CDH18: variants seen among roughly 807,000 people sequenced by gnomAD.
CDH18 encodes the protein cadherin 18.
In CDH18, 31 loss-of-function variants were observed where a neutral mutation model predicts 67.9. The ratio of observed to expected loss-of-function variants is 0.46; its 90% CI spans 0.34 to 0.62. The LOEUF (loss-of-function observed/expected upper bound fraction) is 0.62, where lower values mean the gene tolerates loss of function less well. Ranked by LOEUF, CDH18 falls within the 20% of genes least tolerant of loss-of-function variation. The pLI, the probability that CDH18 is intolerant of heterozygous loss-of-function variation, is 0.01. For missense variants in CDH18, 890 were observed against 975.5 expected, an observed-to-expected ratio of 0.91 and a Z score of 1.17; for synonymous variants, 362 against 347.2, an observed-to-expected ratio of 1.04 and a Z score of -0.48.
intron 12 of CDH18, among the ~76,000 whole-genome samples, chr5:19,476,223 G>T (rs1312862594): frequency 6.6e-6 from 1 of 152,024 alleles, no homozygotes; most frequent in African/African-American, 2.4e-5. Context: ...AAAGATATTA[G>T]CATTGGGAAG....
intron 1 of CDH18, among the ~76,000 whole-genome samples, chr5:20,503,002 G>GAA (rs5866431): frequency 3.3e-5 from 5 of 151,714 alleles, no homozygotes; most frequent in Non-Finnish European, 4.4e-5. Context: ...CCTGAACTTA[G>GAA]AAAAAAAGGG....
intron 5 of CDH18, among the ~76,000 whole-genome samples, chr5:19,707,840 G>A (rs928814016): frequency 6.6e-6 from 1 of 152,220 alleles, no homozygotes; most frequent in African/African-American, 2.4e-5. Context: ...AACAGGCAGA[G>A]GTGCTGCACA....
At chr5:20,438,994 AGTG>A (rs1749391975) in intron 1 of CDH18, among the ~76,000 whole-genome samples, 1 of 151,554 alleles carries the variant, frequency 6.6e-6, no homozygotes, top group Admixed American at 6.6e-5. Context: ...AGTAATTAAT[AGTG>A]TTAAGTAATG....
intron 2 of CDH18, among the ~76,000 whole-genome samples, chr5:19,951,750 C>T (rs531971953): frequency 1.3e-5 from 2 of 152,140 alleles, no homozygotes; most frequent in African/African-American, 4.8e-5. Context: ...TTCAACTATG[C>T]AGGTGGGGAG....
chr5:20,172,932 G>C (rs1352828322), intron 2 of CDH18, among the ~76,000 whole-genome samples: 1 of 151,366 alleles, frequency 6.6e-6, no homozygotes, highest in Non-Finnish European at 1.5e-5. Flanking sequence ...GGAGGTTGCA[G>C]TGAGCCGAGA....
At chr5:20,282,406 G>C (rs1033461294) in intron 1 of CDH18, among the ~76,000 whole-genome samples, 10 of 152,026 alleles carry the variant, frequency 6.6e-5, no homozygotes, top group African/African-American at 2.4e-4. Context: ...CTAATTTCTT[G>C]AGAGTTTTTA....
intron 2 of CDH18, among the ~76,000 whole-genome samples, chr5:19,874,863 T>C (rs1056685292): frequency 6.6e-6 from 1 of 152,180 alleles, no homozygotes; most frequent in East Asian, 1.9e-4. Context: ...GGTTGCAATT[T>C]AGAAAAATGC....
At chr5:19,972,821 A>G (rs2150340488) in intron 2 of CDH18, among the ~76,000 whole-genome samples, 1 of 152,152 alleles carries the variant, frequency 6.6e-6, no homozygotes, top group South Asian at 2.1e-4. Flanking sequence ...GTCAAATACA[A>G]GACTGTTCAC....
At chr5:19,718,700 C>T (rs1410084894) in intron 5 of CDH18, among the ~76,000 whole-genome samples, 1 of 151,890 alleles carries the variant, frequency 6.6e-6, no homozygotes, top group African/African-American at 2.4e-5. Context: ...GGACAGATAT[C>T]CATAGGTTCC....
At chr5:20,107,672 T>C (rs1747079505) in intron 2 of CDH18, among the ~76,000 whole-genome samples, 1 of 152,162 alleles carries the variant, frequency 6.6e-6, no homozygotes, top group Non-Finnish European at 1.5e-5. Context: ...GCCTTTCTCC[T>C]TAGCTTGCCG....
intron 1 of CDH18, among the ~76,000 whole-genome samples, chr5:20,365,119 C>T (rs1742399300): frequency 6.6e-6 from 1 of 152,106 alleles, no homozygotes; most frequent in Admixed American, 6.6e-5. Context: ...TTTACATTCT[C>T]ACAGTTCTGC....
chr5:19,833,614 T>C (rs908024010), intron 3 of CDH18, among the ~76,000 whole-genome samples: 3 of 152,154 alleles, frequency 2.0e-5, no homozygotes, highest in Admixed American at 2.0e-4. Flanking sequence ...TCAAAGGAAA[T>C]ACTTCCAGCT....
At chr5:20,271,673 A>G (rs1745444584) in intron 1 of CDH18, among the ~76,000 whole-genome samples, 1 of 152,090 alleles carries the variant, frequency 6.6e-6, no homozygotes. Flanking sequence ...TTGTGAGGAC[A>G]TAGCCAGAAG....
intron 1 of CDH18, among the ~76,000 whole-genome samples, chr5:20,549,330 C>T (rs955828485): frequency 5.3e-5 from 8 of 152,040 alleles, no homozygotes; most frequent in Non-Finnish European, 8.8e-5. Flanking sequence ...ACAAACACTT[C>T]TTAATAGGTA....
At chr5:19,557,911 C>G (rs910549592) in intron 8 of CDH18, among the ~76,000 whole-genome samples, 4 of 152,006 alleles carry the variant, frequency 2.6e-5, no homozygotes, top group African/African-American at 9.6e-5. Flanking sequence ...CAATTCTCAA[C>G]AAATTTAAGA....
chr5:19,960,426 A>G (rs999514830), intron 2 of CDH18, among the ~76,000 whole-genome samples: 2 of 151,572 alleles, frequency 1.3e-5, no homozygotes. Context: ...CCACCTGCAC[A>G]TCTTGTCCCA....
intron 1 of CDH18, among the ~76,000 whole-genome samples, chr5:20,482,410 A>G (rs1230877227): frequency 6.6e-6 from 1 of 152,086 alleles, no homozygotes; most frequent in Non-Finnish European, 1.5e-5. Flanking sequence ...AGGAAAGAAG[A>G]GATTACTTCC....
chr5:19,540,290 C>T (rs543777155), intron 9 of CDH18, among the ~76,000 whole-genome samples: 1 of 152,180 alleles, frequency 6.6e-6, no homozygotes, highest in Non-Finnish European at 1.5e-5. Flanking sequence ...GGCTGGTCCA[C>T]CCCTGTGGCT....
At chr5:20,343,897 A>G (rs1477407884) in intron 1 of CDH18, among the ~76,000 whole-genome samples, 1 of 152,216 alleles carries the variant, frequency 6.6e-6, no homozygotes, top group African/African-American at 2.4e-5. Context: ...AAAGTCCACC[A>G]AAAGAGGATG....
Sources: allele counts gnomAD v4.1 joint callset (sites outside exome capture counted in the v4.1 genomes callset), GRCh38; gene constraint gnomAD v4.1.1; transcripts MANE v1.5; gene names NCBI Gene and HGNC (gene_info 2026-07-23, HGNC 2026-07-21).